ASXL3: variants seen among roughly 807,000 people sequenced by gnomAD.
ASXL3 encodes ASXL transcriptional regulator 3, also known as putative Polycomb group protein ASXL3.
ASXL3 carries 34 observed loss-of-function variants against 170.6 expected under a neutral mutation model. The observed-to-expected ratio is 0.20, with a 90% CI of 0.15 to 0.27. The LOEUF (loss-of-function observed/expected upper bound fraction) is 0.27, where lower values mean the gene tolerates loss of function less well. Among genes scored for constraint, ASXL3 ranks in the 10% least tolerant of loss-of-function variants. ASXL3 has a pLI of 1.00. For synonymous variants in ASXL3, 1,002 were observed against 989.1 expected, an observed-to-expected ratio of 1.01 and a Z score of -0.24; for missense variants, 2,592 against 2,695.3, an observed-to-expected ratio of 0.96 and a Z score of 0.85.
At chr18:33,728,392 T>G (rs914854714) in intron 8 of ASXL3, among the ~76,000 whole-genome samples, 3 of 152,216 alleles carry the variant, frequency 2.0e-5, no homozygotes, top group African/African-American at 7.2e-5. Flanking sequence ...CTGTACAATA[T>G]GAATACCTTT....
At chr18:33,644,547 T>C (rs1021218061) in intron 2 of ASXL3, among the ~76,000 whole-genome samples, 1 of 151,404 alleles carries the variant, frequency 6.6e-6, no homozygotes, top group African/African-American at 2.4e-5. Context: ...TAAGGCTTCA[T>C]GGTGTTATTT....
At chr18:33,730,581 G>C (rs1172476415) in intron 8 of ASXL3, among the ~76,000 whole-genome samples, 1 of 152,098 alleles carries the variant, frequency 6.6e-6, no homozygotes, top group Non-Finnish European at 1.5e-5. Flanking sequence ...TCATATATCA[G>C]GGCTTTGGTA....
intron 8 of ASXL3, among the ~76,000 whole-genome samples, chr18:33,717,208 G>A (rs2067178678): frequency 6.6e-6 from 1 of 152,066 alleles, no homozygotes; most frequent in African/African-American, 2.4e-5. Context: ...TAGAGGTCGG[G>A]TGACCAGCCA....
At chr18:33,598,700 A>G (rs1172147964) in intron 1 of ASXL3, among the ~76,000 whole-genome samples, 1 of 152,202 alleles carries the variant, frequency 6.6e-6, no homozygotes, top group Admixed American at 6.6e-5. Flanking sequence ...GAAAAGTTAC[A>G]TGAGATAAGT....
chr18:33,653,311 G>T (rs2066031176), intron 4 of ASXL3, among the ~76,000 whole-genome samples: 1 of 151,976 alleles, frequency 6.6e-6, no homozygotes, highest in African/African-American at 2.4e-5. Flanking sequence ...AATCTTGCAG[G>T]GGGCAGGAAG....
intron 9 of ASXL3, among the ~76,000 whole-genome samples, chr18:33,733,144 G>C (rs912876135): frequency 3.3e-5 from 5 of 152,050 alleles, no homozygotes; most frequent in Non-Finnish European, 5.9e-5. Flanking sequence ...CACCACCTTG[G>C]TTTTAGCTAT....
chr18:33,661,862 T>C (rs1238082383), intron 5 of ASXL3, 125 bp downstream of exon 5: 1 of 1,052,262 alleles, frequency 9.5e-7, no homozygotes, highest in East Asian at 3.0e-5. Context: ...TTCAATCCCA[T>C]CCATGATATT....
At chr18:33,633,004 C>A (rs909065184) in intron 2 of ASXL3, among the ~76,000 whole-genome samples, 1 of 152,194 alleles carries the variant, frequency 6.6e-6, no homozygotes, top group Non-Finnish European at 1.5e-5. Context: ...TCTTCTACTC[C>A]TCGCTCTGGA....
rs910681016 is a variant in ASXL3, at chr18:33,745,101, G to T, written c.5253G>T (p.Thr1751=). 2 of 1,613,984 alleles carry T rather than the reference G, an allele frequency of 1.2e-6. No homozygotes were observed. The highest frequency in any genetic ancestry group is 1.7e-6 in the Non-Finnish European group (2 of 1,179,890). The change falls in exon 12 of 12, where the codon ACG becomes ACT. Residue 1751 remains threonine, a synonymous_variant. Transcript: ENST00000269197. ...SSVEANNPLV[T]QLLQGNLPLE... ...TGGAGGCTAACAATCCGCTGGTGAC[G>T]CAGTTACTACAGGGCAACCTGCCTT...
intron 5 of ASXL3, among the ~76,000 whole-genome samples, chr18:33,667,919 A>G (rs985126555): frequency 6.6e-6 from 1 of 152,206 alleles, no homozygotes. Flanking sequence ...TGCAGAAAGG[A>G]TAAGTTATAT....
In ASXL3 at chr18:33,590,111, G is replaced by GTTTTTTTTTTTTTTTTTTTTTTTT. The variant is rs567969303; in HGVS notation, c.54+11445_54+11446insTTTTTTTTTTTTTTTTTTTTTTTT. 6.3e-4 allele frequency among the ~76,000 whole-genome samples: 52 copies of GTTTTTTTTTTTTTTTTTTTTTTTT among 83,168 alleles called. 1 individual carries two copies. Among genetic ancestry groups the GTTTTTTTTTTTTTTTTTTTTTTTT allele is most frequent in the African/African-American group, 1.9e-3 (28 of 14,522 alleles). 54.6% of individuals were successfully genotyped at this position (83,168 alleles called of 152,430 possible). The stretch of plus-strand genomic sequence containing the variant: ...TGTCGTCAAGGTATTTGCTTTCTAT[G>GTTTTTTTTTTTTTTTTTTTTTTTT]TTTTTTTTTTTTTTTTTTTGCTTTG... On this transcript the variant is annotated intron_variant, in intron 1 of 11. Coordinates refer to ENST00000269197, the MANE Select transcript of ASXL3 (RefSeq NM_030632.3).
At chr18:33,680,979 TG>T (rs1374937002) in intron 7 of ASXL3, among the ~76,000 whole-genome samples, 1 of 152,070 alleles carries the variant, frequency 6.6e-6, no homozygotes, top group Admixed American at 6.5e-5. Flanking sequence ...TTCCTCCTTT[TG>T]TGCCTTCCTT....
At chr18:33,717,469 A>G (rs765369332) in intron 8 of ASXL3, among the ~76,000 whole-genome samples, 4 of 152,156 alleles carry the variant, frequency 2.6e-5, no homozygotes, top group Non-Finnish European at 4.4e-5. Flanking sequence ...TCTAGTTCAT[A>G]TAACAGCATT....
chr18:33,706,916 A>C (rs775107991), intron 8 of ASXL3, among the ~76,000 whole-genome samples: 4 of 151,904 alleles, frequency 2.6e-5, no homozygotes, highest in African/African-American at 7.2e-5. Flanking sequence ...ATTTATATCT[A>C]CAAACCACCT....
Position 33,683,421 on chromosome 18 carries a change from C to T in ASXL3, c.732C>T (p.Thr244=). 6.2e-7 allele frequency: 1 copy of T among 1,612,248 alleles called. No homozygotes were observed. The highest frequency in any genetic ancestry group is 1.3e-5 in the African/African-American group (1 of 74,974). The part of the protein sequence containing the change: ...KKSGLGHLKW[T]KAEDIDIETP... Reference sequence around the variant, plus strand: ...TCATCACAGGGCACTTGAAATGGACCAAAGCTGAGGACATTGACATAGAAA... The same window carrying T: ...TCATCACAGGGCACTTGAAATGGACTAAAGCTGAGGACATTGACATAGAAA... The change falls in exon 8 of 12, where the codon ACC becomes ACT. Residue 244 remains threonine (T), a synonymous_variant. Coordinates refer to ENST00000269197, the MANE Select transcript of ASXL3 (RefSeq NM_030632.3).
intron 9 of ASXL3, among the ~76,000 whole-genome samples, 173 bp from the exon 10 acceptor site, chr18:33,734,137 A>AGC (rs1362809245): frequency 3.8e-5 from 2 of 52,040 alleles, no homozygotes; most frequent in African/African-American, 2.0e-4. Flanking sequence ...TAGCATTTTT[A>AGC]TGAACATCTT....
intron 4 of ASXL3, among the ~76,000 whole-genome samples, chr18:33,658,902 C>G (rs748567068): frequency 3.3e-5 from 5 of 152,050 alleles, no homozygotes; most frequent in African/African-American, 1.2e-4. Context: ...AACTGTTGTC[C>G]TGCCCTCCCT....
At chr18:33,702,953 T>G (rs556262347) in intron 8 of ASXL3, among the ~76,000 whole-genome samples, 12 of 152,272 alleles carry the variant, frequency 7.9e-5, no homozygotes, top group African/African-American at 1.9e-4. Context: ...ATTGCTTTAT[T>G]GTTTTCAACA....
Position 33,670,773 on chromosome 18 carries a change from A to C in ASXL3, c.578A>C (p.Gln193Pro). ...ACACCATTAAAGGTGTCTGATGAGC[A>C]GTCGGATTCGCCTTCAGGTAAAGAG... ...VLTPLKVSDE[Q>P]SDSPSGSESK... The change falls in exon 6 of 12, where the codon CAG becomes CCG. Residue 193 changes from glutamine (Q) to proline (P), a missense_variant. Transcript: ENST00000269197. 1 of 1,547,906 alleles carries C rather than the reference A, an allele frequency of 6.5e-7. No homozygotes were observed. Among genetic ancestry groups the C allele is most frequent in the South Asian group, 1.2e-5 (1 of 82,046 alleles).
Sources: allele counts gnomAD v4.1 joint callset (sites outside exome capture counted in the v4.1 genomes callset), GRCh38; gene constraint gnomAD v4.1.1; transcripts MANE v1.5; gene names NCBI Gene and HGNC (gene_info 2026-07-23, HGNC 2026-07-21).